NR6A1: variants seen among roughly 807,000 people sequenced by gnomAD.
NR6A1 encodes the protein retinoic acid receptor-related testis-associated receptor.
Under a neutral mutation model 59.1 loss-of-function variants are expected in NR6A1, and 7 were observed. The ratio of observed to expected loss-of-function variants is 0.12; its 90% CI spans 0.07 to 0.22. The LOEUF (loss-of-function observed/expected upper bound fraction) is 0.22, where lower values mean the gene tolerates loss of function less well. NR6A1 is among the 10% of genes least tolerant of loss of function. NR6A1 has a pLI of 1.00. For synonymous variants in NR6A1, 243 were observed against 236.1 expected (o/e 1.03, Z -0.27); for missense variants, 468 against 611.6 (o/e 0.77, Z 2.48).
intron 2 of NR6A1, among the ~76,000 whole-genome samples, chr9:124,629,741 T>A (rs1324448762): frequency 1.3e-5 from 2 of 152,216 alleles, no homozygotes; most frequent in African/African-American, 2.4e-5. Flanking sequence ...ATGTACAGTG[T>A]TGGATAGGCA....
At chr9:124,664,695 C>T (rs897992997) in intron 2 of NR6A1, among the ~76,000 whole-genome samples, 1 of 152,204 alleles carries the variant, frequency 6.6e-6, no homozygotes, top group African/African-American at 2.4e-5. Context: ...GCAGATGGTA[C>T]TGGGTTCTTA....
intron 2 of NR6A1, among the ~76,000 whole-genome samples, chr9:124,720,574 G>C (rs1001198396): frequency 6.6e-6 from 1 of 152,122 alleles, no homozygotes; most frequent in Non-Finnish European, 1.5e-5. Context: ...CACAATGACT[G>C]TCGGCTCTCT....
chr9:124,554,602 A>G lies in NR6A1; in HGVS notation c.143-32T>C, dbSNP rs142767922. On this transcript the variant is annotated intron_variant, in intron 2 of 9. Coordinates refer to ENST00000487099, the MANE Select transcript of NR6A1 (RefSeq NM_033334.4). ...ATGTTCAAGTTAGAACACAGTGGAA[A>G]TAATGGCTTTAAGCCTACAGTTCCT... The G allele has an allele frequency of 3.4e-4, 547 of 1,613,526 alleles. 3 individuals carry two copies. In the African/African-American group the frequency reaches 6.8e-3, roughly 20 times the overall value.
intron 1 of NR6A1, among the ~76,000 whole-genome samples, chr9:124,751,823 A>G (rs1840507077): frequency 6.6e-6 from 1 of 152,252 alleles, no homozygotes; most frequent in South Asian, 2.1e-4. Flanking sequence ...CTTTCAAAGT[A>G]CAAAGTGTTT....
At chr9:124,687,291 A>ATTATTTATTTATTTATTTATTTATTTAT (rs142524533) in intron 2 of NR6A1, among the ~76,000 whole-genome samples, 14 of 142,172 alleles carry the variant, frequency 9.8e-5, no homozygotes, top group African/African-American at 3.5e-4. Context: ...CAGCTAATTA[A>ATTATTTATTTATTTATTTATTTATTTAT]TTATTTATTT....
chr9:124,556,867 CTTTTT>C (rs34247254), intron 2 of NR6A1, among the ~76,000 whole-genome samples: 1 of 143,570 alleles, frequency 7.0e-6, no homozygotes, highest in African/African-American at 2.5e-5. Context: ...ACTAATATAC[CTTTTT>C]TTTTTTTTCG....
intron 2 of NR6A1, chr9:124,692,357 C>T (rs1838579316): frequency 5.0e-5 from 19 of 380,650 alleles, no homozygotes; most frequent in South Asian, 3.7e-4. Flanking sequence ...ATACTCTCGA[C>T]TTGAAACCCA....
At chr9:124,665,678 T>C (rs1008404372) in intron 2 of NR6A1, among the ~76,000 whole-genome samples, 2 of 152,194 alleles carry the variant, frequency 1.3e-5, no homozygotes, top group Non-Finnish European at 2.9e-5. Context: ...TTTCCTTTAA[T>C]GACACATGCT....
chr9:124,705,377 C>T (rs1050845603), intron 2 of NR6A1, among the ~76,000 whole-genome samples: 2 of 152,050 alleles, frequency 1.3e-5, no homozygotes, highest in African/African-American at 4.8e-5. Flanking sequence ...TTGGTGGTCT[C>T]CTGTTAGATA....
chr9:124,639,661 A>G (rs1334309173), intron 2 of NR6A1, among the ~76,000 whole-genome samples: 1 of 152,198 alleles, frequency 6.6e-6, no homozygotes, highest in Non-Finnish European at 1.5e-5. Flanking sequence ...GGACCAACAG[A>G]GAGCAACATT....
At chr9:124,559,126 C>A (rs1834009203) in intron 2 of NR6A1, among the ~76,000 whole-genome samples, 2 of 152,120 alleles carry the variant, frequency 1.3e-5, no homozygotes, top group Non-Finnish European at 2.9e-5. Context: ...CACTATTTAC[C>A]ACAGTAACTT....
intron 6 of NR6A1, 70 bp downstream of exon 6, chr9:124,538,022 G>A (rs982418459): frequency 7.7e-6 from 10 of 1,298,214 alleles, no homozygotes; most frequent in Middle Eastern, 2.5e-4. Flanking sequence ...TAGGAGCCAG[G>A]GACGCGAGTG....
rs1288303579 is a variant in NR6A1 at position 124,554,231 on chromosome 9, T to C, written c.385+97A>G. On this transcript the variant is annotated intron_variant, in intron 3 of 9. Transcript: ENST00000487099. ...TGAGTACAAACTATAAGGCCTGATA[T>C]GTAGTGCAAGCTTGAGGAATAAGTA... 14 of 1,566,052 alleles carry C rather than the reference T, an allele frequency of 8.9e-6. No individual in the cohort carries two copies. The South Asian group carries it at 1.3e-4, about 14-fold the overall frequency.
chr9:124,648,682 T>C (rs1432170864), intron 2 of NR6A1, among the ~76,000 whole-genome samples: 1 of 151,892 alleles, frequency 6.6e-6, no homozygotes, highest in Non-Finnish European at 1.5e-5. Flanking sequence ...CATGATCTTT[T>C]ATTTGGAAAA....
intron 2 of NR6A1, among the ~76,000 whole-genome samples, chr9:124,691,340 G>A (rs1838537971): frequency 6.6e-6 from 1 of 152,006 alleles, no homozygotes; most frequent in Admixed American, 6.5e-5. Flanking sequence ...GTACCATTTG[G>A]CTGCTTTAAA....
intron 7 of NR6A1, among the ~76,000 whole-genome samples, chr9:124,534,747 C>G (rs377243156): frequency 6.6e-6 from 1 of 152,308 alleles, no homozygotes; most frequent in African/African-American, 2.4e-5. Context: ...ATGGGAAAGT[C>G]TCTCTGAATT....
Position 124,578,362 on chromosome 9 carries a change from G to A in NR6A1, c.143-23792C>T, listed in dbSNP as rs570629123. Among the ~76,000 whole-genome samples, 7 of 152,202 alleles carry A rather than the reference G, an allele frequency of 4.6e-5. No individual in the cohort carries two copies. The East Asian group carries it at 1.2e-3, about 25-fold the overall frequency. ...GGTATCTCAAACTTAACAGCCAAACGGAACTCTAGATTCTATTCCTACCTC... is the reference window on the plus strand; with the variant it reads ...GGTATCTCAAACTTAACAGCCAAACAGAACTCTAGATTCTATTCCTACCTC... On this transcript the variant is annotated intron_variant, in intron 2 of 9. Coordinates refer to ENST00000487099, the MANE Select transcript of NR6A1 (RefSeq NM_033334.4).
At chr9:124,758,705 TCA>T (rs1380700963) in intron 1 of NR6A1, among the ~76,000 whole-genome samples, 1 of 152,218 alleles carries the variant, frequency 6.6e-6, no homozygotes, top group Non-Finnish European at 1.5e-5. Flanking sequence ...TTATGGGATC[TCA>T]CAGACTTTAA....
At chr9:124,546,407 ACT>A in intron 3 of NR6A1, among the ~76,000 whole-genome samples, 1 of 152,270 alleles carries the variant, frequency 6.6e-6, no homozygotes, top group Non-Finnish European at 1.5e-5. Context: ...AACATAAGAT[ACT>A]TTTAGGTGGT....
Sources: gnomAD v4.1 joint callset for allele counts (sites outside exome capture counted in the v4.1 genomes callset) on GRCh38, gnomAD v4.1.1 for gene constraint, MANE v1.5 for transcripts, NCBI Gene and HGNC (gene_info 2026-07-23, HGNC 2026-07-21) for gene names.